The following PDE7B variants were observed in gnomAD, a reference collection of about 807,000 sequenced individuals.
PDE7B encodes 3',5'-cyclic-AMP phosphodiesterase 7B.
A neutral mutation model predicts 56.2 loss-of-function variants in PDE7B; 29 were observed. That is an observed-to-expected ratio of 0.52 (90% CI 0.38 to 0.70). The LOEUF (loss-of-function observed/expected upper bound fraction) is 0.70, where lower values mean the gene tolerates loss of function less well. Ranked by LOEUF, PDE7B falls within the 30% of genes least tolerant of loss-of-function variation. The pLI, the probability that PDE7B is intolerant of heterozygous loss-of-function variation, is 0.00. For missense variants in PDE7B, 490 were observed against 565.0 expected (o/e 0.87, Z 1.35); for synonymous variants, 197 against 196.9 (o/e 1.00, Z 0.00).
chr6:135,924,623 T>A (rs1379254700), intron 1 of PDE7B, among the ~76,000 whole-genome samples: 1 of 73,424 alleles, frequency 1.4e-5, no homozygotes, highest in African/African-American at 3.6e-5. Flanking sequence ...CTCTCTTTTT[T>A]TTTTTTTTTT....
intron 2 of PDE7B, among the ~76,000 whole-genome samples, chr6:136,024,602 G>T (rs775990993): frequency 3.9e-5 from 6 of 152,100 alleles, no homozygotes; most frequent in Non-Finnish European, 8.8e-5. Context: ...AGATACTTTG[G>T]AGGTGATGTT....
chr6:135,864,973 G>A (rs1775226509), intron 1 of PDE7B, among the ~76,000 whole-genome samples: 1 of 130,874 alleles, frequency 7.6e-6, no homozygotes, highest in Non-Finnish European at 1.5e-5. Flanking sequence ...CCTGGTGTGT[G>A]ATGTCCCCCT....
chr6:135,886,906 T>C (rs916586954), intron 1 of PDE7B, among the ~76,000 whole-genome samples: 3 of 152,228 alleles, frequency 2.0e-5, no homozygotes, highest in African/African-American at 7.2e-5. Flanking sequence ...TTGGATTGAA[T>C]GGTAGTTCTA....
chr6:135,974,223 C>T (rs1413366152), intron 2 of PDE7B, among the ~76,000 whole-genome samples: 1 of 152,036 alleles, frequency 6.6e-6, no homozygotes, highest in Non-Finnish European at 1.5e-5. Context: ...CAAAATAACC[C>T]TGTAATATTT....
At position 135,894,398 on chromosome 6, in the gene PDE7B, G is replaced by A. The variant is rs554098622; in HGVS notation, c.21+42379G>A. ...CCGCCTTCAAGTGAATTCAAATAAG[G>A]AGAATTCCAAGGAGTGGGGAAATTA... On this transcript the variant is annotated intron_variant, in intron 1 of 12. Transcript: ENST00000308191. Among the ~76,000 whole-genome samples the A allele has an allele frequency of 7.8e-4, 118 of 152,242 alleles. 3 individuals carry two copies. In the South Asian group the frequency reaches 0.022, roughly 28 times the overall value.
At chr6:136,135,537 A>G (rs2128445208) in intron 3 of PDE7B, among the ~76,000 whole-genome samples, 1 of 152,190 alleles carries the variant, frequency 6.6e-6, no homozygotes, top group African/African-American at 2.4e-5. Flanking sequence ...GATGATGTTA[A>G]GGGCCAAATA....
intron 2 of PDE7B, among the ~76,000 whole-genome samples, chr6:135,972,133 C>A (rs1233490244): frequency 7.1e-6 from 1 of 141,360 alleles, no homozygotes; most frequent in Non-Finnish European, 1.5e-5. Context: ...GCTTGGGAGG[C>A]TGAGGCAGGA....
intron 1 of PDE7B, among the ~76,000 whole-genome samples, chr6:135,879,017 AC>A (rs1252434410): frequency 6.6e-6 from 1 of 152,018 alleles, no homozygotes; most frequent in Admixed American, 6.6e-5. Context: ...GTTTATTGTG[AC>A]TTTTTACCCA....
intron 2 of PDE7B, among the ~76,000 whole-genome samples, chr6:136,041,341 T>C (rs17065239): frequency 7.3e-4 from 107 of 146,778 alleles, no homozygotes; most frequent in African/African-American, 2.5e-3. Flanking sequence ...ATAAAAAAAA[T>C]ATGGGAACAT....
At chr6:135,939,505 C>T (rs939842520) in intron 1 of PDE7B, among the ~76,000 whole-genome samples, 1 of 152,136 alleles carries the variant, frequency 6.6e-6, no homozygotes, top group Non-Finnish European at 1.5e-5. Context: ...AACATGAGCT[C>T]GAGCTGAAAT....
intron 1 of PDE7B, among the ~76,000 whole-genome samples, chr6:135,912,340 CA>C (rs1453405644): frequency 6.6e-6 from 1 of 152,072 alleles, no homozygotes; most frequent in African/African-American, 2.4e-5. Context: ...TAGAGTATAA[CA>C]ACTATTTACA....
intron 1 of PDE7B, among the ~76,000 whole-genome samples, chr6:135,900,649 G>A (rs1775983457): frequency 6.6e-6 from 1 of 151,686 alleles, no homozygotes; most frequent in Admixed American, 6.6e-5. Context: ...CCTATTTCAG[G>A]AGCCAAATAT....
intron 5 of PDE7B, among the ~76,000 whole-genome samples, chr6:136,149,527 G>A (rs1778476551): frequency 6.6e-6 from 1 of 152,210 alleles, no homozygotes; most frequent in African/African-American, 2.4e-5. Context: ...AGGGCAGGGT[G>A]CTTATGCAGT....
intron 2 of PDE7B, among the ~76,000 whole-genome samples, chr6:135,961,627 A>G (rs1774904541): frequency 6.6e-6 from 1 of 152,182 alleles, no homozygotes; most frequent in South Asian, 2.1e-4. Flanking sequence ...TTTGTTGCAT[A>G]AACTGAATTA....
intron 2 of PDE7B, among the ~76,000 whole-genome samples, chr6:135,966,984 C>T (rs894523492): frequency 4.6e-5 from 7 of 152,116 alleles, no homozygotes; most frequent in African/African-American, 1.7e-4. Flanking sequence ...ACAGTCAGCC[C>T]CCTCTGCTCT....
intron 1 of PDE7B, among the ~76,000 whole-genome samples, chr6:135,864,956 A>G (rs1209552511): frequency 2.0e-5 from 2 of 97,806 alleles, no homozygotes; most frequent in South Asian, 8.5e-4. Context: ...CCCACCCCAC[A>G]ACAGGCCCTG....
intron 1 of PDE7B, among the ~76,000 whole-genome samples, chr6:135,942,060 A>G (rs1774514720): frequency 6.6e-6 from 1 of 152,232 alleles, no homozygotes; most frequent in African/African-American, 2.4e-5. Context: ...ACTGTTTTTA[A>G]TAACTCCTAT....
At chr6:136,038,850 G>A (rs1337410872) in intron 2 of PDE7B, among the ~76,000 whole-genome samples, 1 of 152,106 alleles carries the variant, frequency 6.6e-6, no homozygotes, top group Admixed American at 6.5e-5. Context: ...CTCTTTAATG[G>A]CCATCCTGAC....
intron 3 of PDE7B, among the ~76,000 whole-genome samples, chr6:136,117,421 T>C (rs1277761712): frequency 6.6e-6 from 1 of 152,238 alleles, no homozygotes; most frequent in Non-Finnish European, 1.5e-5. Context: ...CCCATTCTAC[T>C]GTATGTATGA....
Sources: gnomAD v4.1 joint callset for allele counts (sites outside exome capture counted in the v4.1 genomes callset) on GRCh38, gnomAD v4.1.1 for gene constraint, MANE v1.5 for transcripts, NCBI Gene and HGNC (gene_info 2026-07-23, HGNC 2026-07-21) for gene names.